Variants in NFIB observed in about 807,000 individuals in gnomAD.
NFIB encodes the protein nuclear factor 1 B-type.
A neutral mutation model predicts 61.5 loss-of-function variants in NFIB; 11 were observed. The ratio of observed to expected loss-of-function variants is 0.18; its 90% confidence interval spans 0.11 to 0.30. The LOEUF is 0.30. NFIB is among the 10% of genes least tolerant of loss of function. The pLI, the probability that NFIB is intolerant of heterozygous loss-of-function variation, is 1.00. For missense variants in NFIB, 471 were observed against 608.9 expected, an observed-to-expected ratio of 0.77 and a Z score of 2.38; for synonymous variants, 260 against 216.5, an observed-to-expected ratio of 1.20 and a Z score of -1.76.
chr9:14,395,545 C>T (rs1309202195), intron 1 of NFIB, among the ~76,000 whole-genome samples: 2 of 151,672 alleles, frequency 1.3e-5, no homozygotes, highest in African/African-American at 2.4e-5. Context: ...TATAAAGCTC[C>T]CTTAATCCAC....
chr9:14,282,840 CT>C (rs1410173898), intron 2 of NFIB, among the ~76,000 whole-genome samples: 15 of 152,172 alleles, frequency 9.9e-5, no homozygotes, highest in Admixed American at 2.6e-4. Flanking sequence ...CTTGTTCCTC[CT>C]TTTAACCACT....
chr9:14,277,321 G>A (rs1282917779), intron 2 of NFIB, among the ~76,000 whole-genome samples: 2 of 134,470 alleles, frequency 1.5e-5, no homozygotes, highest in African/African-American at 5.7e-5. Context: ...GTGCACCCGC[G>A]CACACACGTG....
chr9:14,240,907 T>C (rs1189458439), intron 2 of NFIB, among the ~76,000 whole-genome samples: 1 of 152,180 alleles, frequency 6.6e-6, no homozygotes, highest in Non-Finnish European at 1.5e-5. Flanking sequence ...CAGCGTAAGA[T>C]GGAGCTCTGA....
At chr9:14,363,877 C>G (rs2061270121) in intron 1 of NFIB, among the ~76,000 whole-genome samples, 1 of 152,054 alleles carries the variant, frequency 6.6e-6, no homozygotes, top group Non-Finnish European at 1.5e-5. Flanking sequence ...AAAAACTTAT[C>G]ATCTTTTTAA....
chr9:14,446,420 T>C, the NFIB span, among the ~76,000 whole-genome samples: 2 of 152,178 alleles, frequency 1.3e-5, no homozygotes, highest in Non-Finnish European at 2.9e-5. Context: ...TGTGTCTTGG[T>C]TTATTTTTAC....
At chr9:14,278,943 G>A (rs1001854022) in intron 2 of NFIB, among the ~76,000 whole-genome samples, 1 of 152,094 alleles carries the variant, frequency 6.6e-6, no homozygotes, top group African/African-American at 2.4e-5. Flanking sequence ...TCCACAATAG[G>A]TTCAATACAA....
rs562309869 is a variant in NFIB at position 14,085,936 on chromosome 9, T to C, written c.*2373A>G. 1 of 228,556 alleles carries C rather than the reference T, an allele frequency of 4.4e-6. No homozygotes were observed. Among genetic ancestry groups the C allele is most frequent in the Admixed American group, 5.7e-5 (1 of 17,644 alleles). 14.2% of individuals were successfully genotyped at this position (228,556 alleles called of 1,614,324 possible). On this transcript the variant is annotated 3_prime_UTR_variant, in exon 11 of 11. Coordinates refer to ENST00000380953, the MANE Select transcript of NFIB (RefSeq NM_001190737.2). ...TTTCAACAAATATTTTTGCCAAATATGAGACAGGCTCACTCTCCACTGTGG... is the reference window on the plus strand; with the variant it reads ...TTTCAACAAATATTTTTGCCAAATACGAGACAGGCTCACTCTCCACTGTGG...
chr9:14,416,629 G>A, the NFIB span, among the ~76,000 whole-genome samples: 190 of 151,934 alleles, frequency 1.3e-3, 1 homozygote, highest in African/African-American at 4.4e-3. Context: ...ATTACTAAAC[G>A]GTTAACAAGT....
chr9:14,277,770 C>A (rs80303393), intron 2 of NFIB, among the ~76,000 whole-genome samples: 25 of 152,322 alleles, frequency 1.6e-4, no homozygotes, highest in African/African-American at 4.8e-4. Context: ...CATCCTTACT[C>A]TAAGGCTATA....
intron 2 of NFIB, among the ~76,000 whole-genome samples, chr9:14,261,627 T>C (rs1341332118): frequency 6.6e-6 from 1 of 152,182 alleles, no homozygotes; most frequent in Non-Finnish European, 1.5e-5. Flanking sequence ...CAGATGCTTA[T>C]ATACACTCCT....
the NFIB span, among the ~76,000 whole-genome samples, chr9:14,443,586 G>A: frequency 2.6e-5 from 4 of 151,922 alleles, no homozygotes; most frequent in Non-Finnish European, 5.9e-5. Context: ...TTCTAACCTG[G>A]CCCCAATTGC....
chr9:14,099,707 T>C (rs2118788950), intron 10 of NFIB, among the ~76,000 whole-genome samples: 1 of 152,338 alleles, frequency 6.6e-6, no homozygotes, highest in South Asian at 2.1e-4. Flanking sequence ...TAATATCTGT[T>C]CAATGTAGAA....
intron 2 of NFIB, among the ~76,000 whole-genome samples, chr9:14,259,493 G>C (rs1332108865): frequency 2.6e-5 from 4 of 152,198 alleles, no homozygotes; most frequent in Non-Finnish European, 5.9e-5. Flanking sequence ...GCTGAGTCTT[G>C]GGTATGAAGA....
At chr9:14,400,355 T>C (rs990462986), upstream of NFIB, among the ~76,000 whole-genome samples, 18 of 152,200 alleles carry the variant, frequency 1.2e-4, no homozygotes, top group African/African-American at 4.3e-4. Context: ...CTCTTCATTC[T>C]AAAAGGGATA....
intron 1 of NFIB, among the ~76,000 whole-genome samples, chr9:14,375,046 A>C (rs1290264093): frequency 6.6e-6 from 1 of 152,248 alleles, no homozygotes; most frequent in South Asian, 2.1e-4. Context: ...CTTCCTCCCA[A>C]AGGAGAGAAG....
intron 1 of NFIB, among the ~76,000 whole-genome samples, chr9:14,375,450 G>T (rs531857210): frequency 1.5e-4 from 23 of 152,168 alleles, no homozygotes; most frequent in African/African-American, 5.3e-4. Context: ...AAGGTCAGCA[G>T]TTCGAGACCA....
intron 3 of NFIB, among the ~76,000 whole-genome samples, chr9:14,161,493 C>T (rs1265846984): frequency 1.1e-4 from 16 of 151,252 alleles, no homozygotes; most frequent in Admixed American, 1.1e-3. Flanking sequence ...GTCCTTTAAA[C>T]TTTTTCCGCA....
the NFIB span, among the ~76,000 whole-genome samples, chr9:14,503,146 A>G: frequency 6.6e-6 from 1 of 150,694 alleles, no homozygotes; most frequent in Non-Finnish European, 1.5e-5. Context: ...GTGTATATAT[A>G]TAAAATAATA....
chr9:14,314,960 C>A (rs903523126), upstream of NFIB, among the ~76,000 whole-genome samples: 1 of 152,034 alleles, frequency 6.6e-6, no homozygotes, highest in East Asian at 1.9e-4. Context: ...CGTCTGAGCC[C>A]GAGAAAGGAA....
Sources: gnomAD v4.1 joint callset for allele counts (sites outside exome capture counted in the v4.1 genomes callset) on GRCh38, gnomAD v4.1.1 for gene constraint, MANE v1.5 for transcripts, NCBI Gene and HGNC (gene_info 2026-07-23, HGNC 2026-07-21) for gene names.